Variants in ZBED6 observed in about 807,000 individuals in gnomAD.
ZBED6 encodes the protein zinc finger BED domain-containing protein 6.
ZBED6 carries 40 observed loss-of-function variants against 58.4 expected under a neutral mutation model. The ratio of observed to expected loss-of-function variants is 0.68; its 90% CI spans 0.53 to 0.89. The LOEUF is 0.89. ZBED6 is among the 40% of genes least tolerant of loss of function. ZBED6 has a pLI of 0.00. For missense variants in ZBED6, 1,057 were observed against 1,003.9 expected, an observed-to-expected ratio of 1.05 and a Z score of -0.71; for synonymous variants, 439 against 350.6, an observed-to-expected ratio of 1.25 and a Z score of -2.82.
At chr1:203,804,747 A>G (rs1260303533) in intron 1 of ZBED6, among the ~76,000 whole-genome samples, 4 of 145,282 alleles carry the variant, frequency 2.8e-5, no homozygotes, top group Non-Finnish European at 6.0e-5. Flanking sequence ...GTCTTGGCTC[A>G]TTGCAACCTC....
intron 11 of ZBED6, among the ~76,000 whole-genome samples, chr1:203,846,101 G>T (rs1289160949): frequency 2.0e-4 from 19 of 95,008 alleles, no homozygotes; most frequent in Non-Finnish European, 3.3e-4. Flanking sequence ...CACATAACAA[G>T]ACCTCGTCTT....
chr1:203,799,009 T>A, exon 1 of ZBED6: 1 of 1,536,172 alleles, frequency 6.5e-7, no homozygotes, highest in Non-Finnish European at 8.7e-7. Flanking sequence ...ACTGACTATT[T>A]TATTGTGACT....
intron 9 of ZBED6, among the ~76,000 whole-genome samples, chr1:203,835,294 C>T (rs1683924755): frequency 6.6e-6 from 1 of 152,180 alleles, no homozygotes; most frequent in South Asian, 2.1e-4. Context: ...GTAAACCATG[C>T]ACAATGCTTG....
intron 2 of ZBED6, among the ~76,000 whole-genome samples, chr1:203,817,489 A>G (rs1279424842): frequency 6.6e-6 from 1 of 151,736 alleles, no homozygotes; most frequent in African/African-American, 2.4e-5. Context: ...TAGTTAGTGA[A>G]TTGTGTTGTA....
chr1:203,835,701 CAG>C, intron 9 of ZBED6: 1 of 253,872 alleles, frequency 3.9e-6, no homozygotes. Context: ...TACCTTTCCC[CAG>C]ATGACTCTGG....
chr1:203,798,661 A>G (rs1669489659), exon 1 of ZBED6: 3 of 1,536,132 alleles, frequency 2.0e-6, no homozygotes, highest in East Asian at 2.4e-5. Context: ...AACAGATCTG[A>G]AAGTCCTATT....
At chr1:203,797,641 A>C (rs775883000) in exon 1 of ZBED6, 1 of 1,536,116 alleles carries the variant, frequency 6.5e-7, no homozygotes. Flanking sequence ...ACAGATGAAG[A>C]AGATGTGGTA....
chr1:203,842,491 T>G (rs1490399853), intron 11 of ZBED6, among the ~76,000 whole-genome samples: 2 of 151,198 alleles, frequency 1.3e-5, no homozygotes, highest in African/African-American at 2.4e-5. Flanking sequence ...CCAGGCACTC[T>G]GCAGGCTGAG....
intron 11 of ZBED6, among the ~76,000 whole-genome samples, chr1:203,842,741 AAATC>A (rs1339934958): frequency 6.6e-6 from 1 of 151,818 alleles, no homozygotes; most frequent in Non-Finnish European, 1.5e-5. Context: ...ACCTTTAAAA[AAATC>A]TTCAAAAATA....
At chr1:203,850,936 T>G (rs1347282323) in intron 15 of ZBED6, 121 bp from the exon 16 acceptor site, 4 of 1,287,558 alleles carry the variant, frequency 3.1e-6, no homozygotes, top group Non-Finnish European at 4.4e-6. Flanking sequence ...GATTATCGAT[T>G]CTTAGATTCA....
chr1:203,839,478 T>C (rs530365063), intron 10 of ZBED6, among the ~76,000 whole-genome samples: 91 of 152,272 alleles, frequency 6.0e-4, no homozygotes, highest in African/African-American at 2.1e-3. Context: ...TCTCATTGTG[T>C]TTGGTTTTAA....
intron 9 of ZBED6, among the ~76,000 whole-genome samples, chr1:203,837,710 T>G (rs1166508196): frequency 6.6e-6 from 1 of 152,144 alleles, no homozygotes; most frequent in African/African-American, 2.4e-5. Flanking sequence ...ACTCCTGGCC[T>G]TAAGTGATCC....
intron 9 of ZBED6, among the ~76,000 whole-genome samples, chr1:203,836,545 C>T (rs1004290714): frequency 5.9e-5 from 9 of 152,230 alleles, no homozygotes; most frequent in Non-Finnish European, 8.8e-5. Flanking sequence ...GTCAGGAGTT[C>T]GAGACCGGCC....
chr1:203,839,052 G>A (rs146932661), intron 10 of ZBED6, among the ~76,000 whole-genome samples: 2 of 152,246 alleles, frequency 1.3e-5, no homozygotes, highest in Non-Finnish European at 2.9e-5. Context: ...CTGCAATATG[G>A]AGACAGATTA....
At chr1:203,850,117 G>GTTGA (rs1245666179) in intron 14 of ZBED6, 91 bp downstream of exon 14, 6 of 1,210,240 alleles carry the variant, frequency 5.0e-6, no homozygotes, top group African/African-American at 1.5e-5. Flanking sequence ...CAACAATTGG[G>GTTGA]TTGAATTTCA....
chr1:203,838,251 A>C (rs1487099451), intron 10 of ZBED6, among the ~76,000 whole-genome samples, 187 bp downstream of exon 10: 1 of 152,242 alleles, frequency 6.6e-6, no homozygotes, highest in Non-Finnish European at 1.5e-5. Flanking sequence ...ATTGAAAAAA[A>C]CACCGTCACA....
intron 1 of ZBED6, among the ~76,000 whole-genome samples, chr1:203,803,620 T>C (rs1671194908): frequency 6.6e-6 from 1 of 152,214 alleles, no homozygotes; most frequent in African/African-American, 2.4e-5. Flanking sequence ...TTGTTTCGTT[T>C]TGAAACAGGG....
At chr1:203,837,885 A>T (rs910548742) in intron 9 of ZBED6, 81 bp from the exon 10 acceptor site, 45 of 1,299,004 alleles carry the variant, frequency 3.5e-5, no homozygotes, top group Non-Finnish European at 4.4e-5. Context: ...GAATTATGCT[A>T]TGTTGTCTGT....
chr1:203,823,900 T>A (rs958381728), intron 3 of ZBED6, among the ~76,000 whole-genome samples: 1 of 152,138 alleles, frequency 6.6e-6, no homozygotes, highest in African/African-American at 2.4e-5. Flanking sequence ...AAGGGGAAAC[T>A]AATTTATTGA....
Sources: gnomAD v4.1 joint callset for allele counts (sites outside exome capture counted in the v4.1 genomes callset) on GRCh38, gnomAD v4.1.1 for gene constraint, MANE v1.5 for transcripts, NCBI Gene and HGNC (gene_info 2026-07-23, HGNC 2026-07-21) for gene names.